The following PPARGC1A variants were observed in gnomAD, a reference collection of about 807,000 sequenced individuals.
PPARGC1A encodes the protein PPARG coactivator 1 alpha.
In PPARGC1A, 25 loss-of-function variants were observed where a neutral mutation model predicts 88.7. The observed-to-expected ratio is 0.28, with a 90% confidence interval of 0.21 to 0.39. The LOEUF (loss-of-function observed/expected upper bound fraction) is 0.39, where lower values mean the gene tolerates loss of function less well. PPARGC1A is among the 10% of genes least tolerant of loss of function. PPARGC1A has a pLI of 1.00. For missense variants in PPARGC1A, 880 were observed against 968.7 expected, an observed-to-expected ratio of 0.91 and a Z score of 1.22; for synonymous variants, 363 against 355.6, an observed-to-expected ratio of 1.02 and a Z score of -0.24.
the PPARGC1A span, among the ~76,000 whole-genome samples, chr4:24,058,186 T>C: frequency 6.6e-5 from 10 of 152,222 alleles, no homozygotes; most frequent in Admixed American, 5.9e-4. Flanking sequence ...CTTCCTCAGC[T>C]GACTCTTGAC....
the PPARGC1A span, among the ~76,000 whole-genome samples, chr4:24,355,759 C>T: frequency 1.3e-5 from 2 of 151,940 alleles, no homozygotes; most frequent in South Asian, 2.1e-4. Flanking sequence ...CACAAAAGAA[C>T]GTGGAAGTGC....
chr4:24,125,352 C>T, the PPARGC1A span, among the ~76,000 whole-genome samples: 7 of 152,216 alleles, frequency 4.6e-5, no homozygotes, highest in East Asian at 1.4e-3. Context: ...GCTCTCTCCC[C>T]ATCTGCTTCT....
At position 23,811,626 on chromosome 4, in the gene PPARGC1A, T is replaced by C. The variant is rs979973479; in HGVS notation, c.2019+1121A>G. On this transcript the variant is annotated intron_variant, in intron 10 of 12. Transcript: ENST00000264867. ...TTTTGCCATCCAAAGTCTAGGTTGA[T>C]AAACAGCGGTAGGGAGTTGGGGTAA... Among the ~76,000 whole-genome samples, 3 of 152,264 alleles carry C rather than the reference T, an allele frequency of 2.0e-5. No individual in the cohort carries two copies. In the South Asian group the frequency reaches 6.2e-4, roughly 32 times the overall value.
At chr4:24,000,311 C>T in the PPARGC1A span, among the ~76,000 whole-genome samples, 4 of 152,134 alleles carry the variant, frequency 2.6e-5, no homozygotes, top group African/African-American at 9.7e-5. Flanking sequence ...CAGATGTTAA[C>T]ACCTTCTGTT....
chr4:23,952,970 A>T, the PPARGC1A span, among the ~76,000 whole-genome samples: 1 of 152,090 alleles, frequency 6.6e-6, no homozygotes, highest in Non-Finnish European at 1.5e-5. Context: ...TGAATGCATT[A>T]TATTACTACT....
At chr4:24,157,862 C>G in the PPARGC1A span, among the ~76,000 whole-genome samples, 1 of 152,098 alleles carries the variant, frequency 6.6e-6, no homozygotes, top group Admixed American at 6.6e-5. Flanking sequence ...AATTCTCCCT[C>G]TCTACTCTGC....
At chr4:24,406,020 T>C in the PPARGC1A span, among the ~76,000 whole-genome samples, 1 of 152,110 alleles carries the variant, frequency 6.6e-6, no homozygotes, top group African/African-American at 2.4e-5. Flanking sequence ...GAATCTAAGG[T>C]TCGATTCCTA....
the PPARGC1A span, among the ~76,000 whole-genome samples, chr4:24,029,180 T>C: frequency 2.6e-5 from 4 of 152,284 alleles, no homozygotes; most frequent in South Asian, 4.1e-4. Context: ...AGATTACTGA[T>C]CAGACTTTGA....
chr4:23,851,796 C>T (rs1156834097), intron 2 of PPARGC1A, among the ~76,000 whole-genome samples: 2 of 152,290 alleles, frequency 1.3e-5, no homozygotes, highest in East Asian at 3.9e-4. Context: ...TTTGCTCTCT[C>T]TTCAAACTTT....
the PPARGC1A span, among the ~76,000 whole-genome samples, chr4:24,010,129 C>G: frequency 2.0e-5 from 3 of 152,152 alleles, no homozygotes; most frequent in Non-Finnish European, 4.4e-5. Context: ...TTGGCCTCTC[C>G]TATTATTAAT....
chr4:24,453,114 T>C, the PPARGC1A span, among the ~76,000 whole-genome samples: 5 of 152,090 alleles, frequency 3.3e-5, no homozygotes, highest in African/African-American at 9.7e-5. Flanking sequence ...AGGAAGACCA[T>C]GTGAAGATAC....
At chr4:24,470,271 G>GACACAGAC in the PPARGC1A span, among the ~76,000 whole-genome samples, 1 of 71,970 alleles carries the variant, frequency 1.4e-5, no homozygotes, top group Non-Finnish European at 2.9e-5. This position sits in a 1 kb window ranked among gnomAD's most constrained non-coding sequence, Gnocchi z 5.8. Context: ...CTCATCGACA[G>GACACAGAC]ACACAGACAC....
At chr4:23,927,352 G>A in the PPARGC1A span, among the ~76,000 whole-genome samples, 1 of 152,104 alleles carries the variant, frequency 6.6e-6, no homozygotes, top group Non-Finnish European at 1.5e-5. Context: ...CCTACATGTA[G>A]ATATTTTAAA....
chr4:23,859,743 T>C (rs1398042178), intron 2 of PPARGC1A, among the ~76,000 whole-genome samples: 1 of 150,964 alleles, frequency 6.6e-6, no homozygotes, highest in Non-Finnish European at 1.5e-5. Flanking sequence ...ATGGCACCAC[T>C]GCACTCCAGC....
the PPARGC1A span, among the ~76,000 whole-genome samples, chr4:23,977,811 G>A: frequency 7.2e-5 from 11 of 152,032 alleles, no homozygotes; most frequent in Non-Finnish European, 1.0e-4. Flanking sequence ...CCCCTACTTC[G>A]ACGACTAAGA....
intron 7 of PPARGC1A, among the ~76,000 whole-genome samples, chr4:23,820,118 G>A (rs1722725778): frequency 6.6e-6 from 1 of 152,108 alleles, no homozygotes; most frequent in East Asian, 1.9e-4. Flanking sequence ...GTATTTTGTT[G>A]TTGTTTATTT....
chr4:24,471,938 CG>C, the PPARGC1A span, among the ~76,000 whole-genome samples: 2 of 152,156 alleles, frequency 1.3e-5, no homozygotes, highest in African/African-American at 2.4e-5. The surrounding 1 kb of genome is among the most constrained non-coding windows in gnomAD (Gnocchi z 5.4). Context: ...CAGCACGTCG[CG>C]GGGGGCTTGC....
At chr4:23,902,242 G>C (rs892044440), upstream of PPARGC1A, among the ~76,000 whole-genome samples, 9 of 152,052 alleles carry the variant, frequency 5.9e-5, no homozygotes, top group African/African-American at 2.2e-4. Context: ...CTATTTAACA[G>C]TACAAAACTT....
chr4:23,977,980 C>T, the PPARGC1A span, among the ~76,000 whole-genome samples: 1 of 152,044 alleles, frequency 6.6e-6, no homozygotes, highest in Non-Finnish European at 1.5e-5. Flanking sequence ...GAACATTGTA[C>T]AATAGGGAAG....
Sources: allele counts gnomAD v4.1 joint callset (sites outside exome capture counted in the v4.1 genomes callset), GRCh38; gene constraint gnomAD v4.1.1; non-coding constraint Gnocchi (gnomAD v3.1); transcripts MANE v1.5; gene names NCBI Gene and HGNC (gene_info 2026-07-23, HGNC 2026-07-21).